Variants in C12orf42 observed in about 807,000 individuals in gnomAD.
C12orf42 encodes the protein chromosome 12 open reading frame 42.
In C12orf42, 25 loss-of-function variants were observed where a neutral mutation model predicts 21.6. The observed-to-expected ratio is 1.16, with a 90% CI of 0.84 to 1.62. The LOEUF is 1.62. C12orf42 is among the 40% of genes most tolerant of loss of function. C12orf42 has a pLI of 0.00. For synonymous variants in C12orf42, 174 were observed against 175.0 expected, an observed-to-expected ratio of 0.99 and a Z score of 0.05; for missense variants, 483 against 459.3, an observed-to-expected ratio of 1.05 and a Z score of -0.47.
intron 3 of C12orf42, among the ~76,000 whole-genome samples, chr12:103,389,590 CCCTTT>C (rs1460619477): frequency 6.6e-6 from 1 of 152,210 alleles, no homozygotes; most frequent in Non-Finnish European, 1.5e-5. Context: ...TTCCATCCTT[CCCTTT>C]CAATGAAAGA....
the C12orf42 span, among the ~76,000 whole-genome samples, chr12:103,212,611 C>T: frequency 3.3e-5 from 5 of 152,098 alleles, no homozygotes; most frequent in Non-Finnish European, 7.4e-5. Context: ...ATCTGTTTGT[C>T]TCTCTTTTTG....
intron 4 of C12orf42, among the ~76,000 whole-genome samples, chr12:103,342,358 T>C (rs1340133291): frequency 6.6e-6 from 1 of 152,158 alleles, no homozygotes; most frequent in African/African-American, 2.4e-5. Flanking sequence ...TAAACGAGGA[T>C]TGATGCCTTC....
chr12:103,158,767 C>T, the C12orf42 span, among the ~76,000 whole-genome samples: 1 of 151,470 alleles, frequency 6.6e-6, no homozygotes, highest in Non-Finnish European at 1.5e-5. Context: ...GTAATCCCAG[C>T]TACTTGGGAG....
chr12:103,268,818 A>G (rs985962573), exon 7 of C12orf42: 1 of 152,204 alleles, frequency 6.6e-6, no homozygotes, highest in Non-Finnish European at 1.5e-5. Context: ...CATGTGTCAC[A>G]TATAATGCAT....
At chr12:103,190,807 G>A in the C12orf42 span, among the ~76,000 whole-genome samples, 1 of 152,032 alleles carries the variant, frequency 6.6e-6, no homozygotes. Context: ...GGAATTCTCA[G>A]AAAGAGAAGA....
the C12orf42 span, among the ~76,000 whole-genome samples, chr12:103,127,651 G>C: frequency 2.0e-5 from 3 of 152,110 alleles, no homozygotes; most frequent in Admixed American, 6.5e-5. Context: ...GTCACAACTG[G>C]ACAGGGTGGT....
the C12orf42 span, among the ~76,000 whole-genome samples, chr12:103,221,135 A>G: frequency 0.26 from 39,105 of 152,210 alleles, 6,004 homozygotes; most frequent in Non-Finnish European, 0.34. Context: ...TACATGTTTG[A>G]AATAAGCTGA....
chr12:103,425,024 G>T (rs1458994672), intron 2 of C12orf42, among the ~76,000 whole-genome samples: 1 of 152,134 alleles, frequency 6.6e-6, no homozygotes, highest in Non-Finnish European at 1.5e-5. Context: ...CATTACTGAG[G>T]CTTGAGTAGG....
chr12:103,328,364 G>A (rs751797893), intron 4 of C12orf42, among the ~76,000 whole-genome samples: 8 of 151,896 alleles, frequency 5.3e-5, no homozygotes, highest in South Asian at 2.1e-4. Context: ...ACTGAGAGTC[G>A]GGAGGAGGGA....
At chr12:103,090,944 C>G in the C12orf42 span, among the ~76,000 whole-genome samples, 12 of 151,638 alleles carry the variant, frequency 7.9e-5, no homozygotes, top group African/African-American at 2.9e-4. Context: ...GTAAGCCAGC[C>G]CACTTCAACT....
intron 2 of C12orf42, among the ~76,000 whole-genome samples, chr12:103,424,966 C>G (rs1299012009): frequency 6.6e-6 from 1 of 152,140 alleles, no homozygotes; most frequent in African/African-American, 2.4e-5. Context: ...GCACAGCAGT[C>G]TGAAGTTGAC....
chr12:103,069,752 A>G, the C12orf42 span, among the ~76,000 whole-genome samples: 1 of 152,266 alleles, frequency 6.6e-6, no homozygotes, highest in Middle Eastern at 3.4e-3. Context: ...TCTCTTAATT[A>G]TATTTCTTGG....
the C12orf42 span, among the ~76,000 whole-genome samples, chr12:103,226,574 C>A: frequency 2.0e-5 from 3 of 152,118 alleles, no homozygotes; most frequent in Admixed American, 1.3e-4. Flanking sequence ...CTCCAGCCAC[C>A]TTTTTAAGAG....
chr12:103,486,774 G>A (rs1332421540), intron 1 of C12orf42, among the ~76,000 whole-genome samples: 4 of 152,144 alleles, frequency 2.6e-5, no homozygotes, highest in Non-Finnish European at 5.9e-5. Context: ...TTATCTGATA[G>A]TAGTTTGTAT....
chr12:103,554,769 A>G, the C12orf42 span, among the ~76,000 whole-genome samples: 1 of 152,128 alleles, frequency 6.6e-6, no homozygotes, highest in Non-Finnish European at 1.5e-5. Flanking sequence ...ATCTCCTGAG[A>G]ACTCTATCGC....
chr12:103,223,874 TGGTGA>T, the C12orf42 span, among the ~76,000 whole-genome samples: 1 of 152,178 alleles, frequency 6.6e-6, no homozygotes, highest in Non-Finnish European at 1.5e-5. Flanking sequence ...TGGCTGAGCT[TGGTGA>T]GGTGTGTTTT....
chr12:103,104,786 C>T, the C12orf42 span, among the ~76,000 whole-genome samples: 2 of 152,214 alleles, frequency 1.3e-5, no homozygotes, highest in Non-Finnish European at 2.9e-5. Context: ...GGCCTTGGGC[C>T]ACTCAAGATG....
the C12orf42 span, among the ~76,000 whole-genome samples, chr12:103,210,161 T>C: frequency 1.3e-4 from 20 of 152,284 alleles, no homozygotes; most frequent in African/African-American, 4.3e-4. Flanking sequence ...CTGCCTATTT[T>C]CCTCTCACAT....
At chr12:103,396,066 T>C (rs1450639884) in intron 3 of C12orf42, among the ~76,000 whole-genome samples, 2 of 149,618 alleles carry the variant, frequency 1.3e-5, no homozygotes, top group Non-Finnish European at 3.0e-5. Flanking sequence ...TATCAACTAT[T>C]ATGTTATAAC....
Sources: gnomAD v4.1 joint callset for allele counts (sites outside exome capture counted in the v4.1 genomes callset) on GRCh38, gnomAD v4.1.1 for gene constraint, MANE v1.5 for transcripts, NCBI Gene and HGNC (gene_info 2026-07-23, HGNC 2026-07-21) for gene names.